The following INO80 variants were observed in gnomAD, a reference collection of about 807,000 sequenced individuals.
INO80 encodes INO80 complex ATPase subunit.
INO80 carries 20 observed loss-of-function variants against 203.4 expected under a neutral mutation model. The observed-to-expected ratio is 0.10, with a 90% CI of 0.07 to 0.14. INO80 has a LOEUF of 0.14. Ranked by LOEUF, INO80 falls within the 10% of genes least tolerant of loss-of-function variation. INO80 has a pLI of 1.00. For synonymous variants in INO80, 726 were observed against 685.2 expected (o/e 1.06, Z -0.93); for missense variants, 1,419 against 1,914.4 (o/e 0.74, Z 4.83).
intron 21 of INO80, 103 bp from the exon 22 acceptor site, chr15:41,048,379 C>T (rs1469621099): frequency 9.7e-6 from 8 of 826,064 alleles, no homozygotes; most frequent in Non-Finnish European, 1.6e-5. Flanking sequence ...AGTTTTGAAA[C>T]TGTTTCACTT....
chr15:41,066,833 AAAAAAAAAAAAGC>A (rs1343211515), intron 14 of INO80, among the ~76,000 whole-genome samples: 7 of 4,338 alleles, frequency 1.6e-3, no homozygotes, highest in Admixed American at 8.3e-3. Flanking sequence ...GTCTCTAAGA[AAAAAAAAAAAAGC>A]AAAAAAAAAA....
rs73399698 is a variant in INO80, at chr15:41,027,320, A to T, written c.3048+276T>A. ...TTGGGTGATATATATTCTACCTGAC[A>T]GATGGTTTATTCCCACTATAGTTTA... On this transcript the variant is annotated intron_variant, in intron 25 of 35. Transcript: ENST00000648947. Among the ~76,000 whole-genome samples the T allele has an allele frequency of 1.4e-3, 213 of 152,300 alleles. 1 individual carries two copies. The highest frequency in any genetic ancestry group is 4.9e-3 in the African/African-American group (205 of 41,574).
chr15:41,060,130 A>C (rs1298628669), intron 14 of INO80, among the ~76,000 whole-genome samples: 1 of 152,244 alleles, frequency 6.6e-6, no homozygotes, highest in African/African-American at 2.4e-5. Context: ...CTGAAGGCAT[A>C]AAACAGCTAC....
chr15:41,065,547 C>T (rs1193118248), intron 14 of INO80, among the ~76,000 whole-genome samples: 1 of 152,028 alleles, frequency 6.6e-6, no homozygotes, highest in East Asian at 1.9e-4. Context: ...GAAGTGAAAA[C>T]AGTAAAAGTG....
chr15:41,011,624 G>A (rs1486316262), intron 27 of INO80: 1 of 151,734 alleles, frequency 6.6e-6, no homozygotes, highest in Non-Finnish European at 1.5e-5. Context: ...TTGGAAGAAG[G>A]CCAAGAAGGC....
intron 25 of INO80, among the ~76,000 whole-genome samples, chr15:41,025,471 T>C (rs2044361483): frequency 6.6e-6 from 1 of 152,026 alleles, no homozygotes; most frequent in Admixed American, 6.6e-5. Context: ...TCCCAGCACT[T>C]TGGGAGGCTT....
intron 24 of INO80, among the ~76,000 whole-genome samples, chr15:41,033,940 T>TA (rs1412238257): frequency 6.6e-6 from 1 of 151,286 alleles, no homozygotes; most frequent in Non-Finnish European, 1.5e-5. Flanking sequence ...CAGGCGCCTG[T>TA]AGTCCCAGCT....
intron 25 of INO80, among the ~76,000 whole-genome samples, chr15:41,023,581 C>T (rs2044327813): frequency 1.3e-5 from 2 of 151,724 alleles, no homozygotes; most frequent in Non-Finnish European, 2.9e-5. Flanking sequence ...CTGGCCTGGC[C>T]AACATGGTGA....
chr15:40,987,699 T>A, intron 30 of INO80, 117 bp downstream of exon 30: 1 of 970,936 alleles, frequency 1.0e-6, no homozygotes, highest in Non-Finnish European at 1.5e-6. Context: ...GAAGAAATTG[T>A]AGTTTCGTCA....
Position 41,050,114 on chromosome 15 carries a change from T to G in INO80, c.2275-12A>C, listed in dbSNP as rs2044843063. ...ATTAGAATCTCAATCTAAAAATCAATAAGAACATTTATATTTGGAAAAGTA... is the reference window on the plus strand; with the variant it reads ...ATTAGAATCTCAATCTAAAAATCAAGAAGAACATTTATATTTGGAAAAGTA... On this transcript the variant is annotated splice_polypyrimidine_tract_variant and intron_variant, in intron 19 of 35. Transcript: ENST00000648947. 1 of 1,582,612 alleles carries G rather than the reference T, an allele frequency of 6.3e-7. No individual in the cohort carries two copies. The highest frequency in any genetic ancestry group is 1.8e-5 in the Admixed American group (1 of 57,020).
intron 27 of INO80, among the ~76,000 whole-genome samples, chr15:41,013,633 C>T (rs1212675141): frequency 6.6e-6 from 1 of 152,122 alleles, no homozygotes; most frequent in Non-Finnish European, 1.5e-5. Flanking sequence ...TCCTGGAATA[C>T]AGAATGTGGT....
rs574357557 is a variant in INO80, at chr15:41,008,395, G to A, written c.3403-2708C>T. Among the ~76,000 whole-genome samples, 16 of 152,264 alleles carry A rather than the reference G, an allele frequency of 1.1e-4. No homozygotes were observed. The South Asian group carries it at 2.7e-3, about 26-fold the overall frequency. On this transcript the variant is annotated intron_variant, in intron 27 of 35. Coordinates refer to ENST00000648947, the MANE Select transcript of INO80 (RefSeq NM_017553.3). ...GCTTAAAAAGTTAAAACTCATAAAA[G>A]TAGAGAGTAGAAGGGTGGTTGCCAG...
At chr15:41,058,490 G>C (rs962872663) in intron 16 of INO80, 149 bp downstream of exon 16, 1 of 748,760 alleles carries the variant, frequency 1.3e-6, no homozygotes, top group Non-Finnish European at 2.0e-6. Flanking sequence ...GCGAGACCTT[G>C]TCTCTATTAA....
Position 41,096,266 on chromosome 15 carries a change from C to T in INO80, c.45G>A (p.Glu15=). The change falls in exon 2 of 36, where the codon GAG becomes GAA. Residue 15 remains glutamate (E), a synonymous_variant. Coordinates refer to ENST00000648947, the MANE Select transcript of INO80 (RefSeq NM_017553.3). ...LGARDDGGCT[E]LAKPLYLQYL... ...ACTGAAGATAGAGGGGCTTTGCCAG[C>T]TCAGTGCAGCCTCCATCATCCCTGG... 1 of 1,611,414 alleles carries T rather than the reference C, an allele frequency of 6.2e-7. No homozygotes were observed. Among genetic ancestry groups the T allele is most frequent in the Non-Finnish European group, 8.5e-7 (1 of 1,179,390 alleles).
At chr15:41,108,736 T>A (rs1357451116) in intron 1 of INO80, 1 of 152,154 alleles carries the variant, frequency 6.6e-6, no homozygotes, top group Non-Finnish European at 1.5e-5. Context: ...ACATTATGTA[T>A]CAGGAATGGT....
chr15:41,047,412 C>T lies in INO80; in HGVS notation c.2731G>A (p.Ala911Thr). ...MANLMLQGLL[A>T]RWLALFLSLK... is the part of the protein sequence containing the mutation. ...AGCAATAAGCAAACCTCTCACCTGG[C>T]CAAAAGTCCCTGAAGCATAAGGTTT... Residue 911 changes from alanine (A) to threonine (T), a missense_variant, in exon 23 of 36, where the codon GCC becomes ACC. Around this residue, in one of 9 missense-constraint regions of INO80, gnomAD observed 302 missense variants for 345.4 expected, o/e 0.87. Transcript: ENST00000648947. 3 of 1,612,220 alleles carry T rather than the reference C, an allele frequency of 1.9e-6. No homozygotes were observed. Among genetic ancestry groups the T allele is most frequent in the Non-Finnish European group, 2.5e-6 (3 of 1,178,706 alleles).
intron 4 of INO80, among the ~76,000 whole-genome samples, chr15:41,092,750 G>C (rs1179006301): frequency 1.3e-5 from 2 of 152,176 alleles, no homozygotes; most frequent in South Asian, 4.1e-4. Flanking sequence ...CATTATGATA[G>C]GATTCAATTT....
chr15:41,049,918 C>G lies in INO80; in HGVS notation c.2442+17G>C, dbSNP rs1291155744. The G allele has an allele frequency of 6.3e-7, 1 of 1,589,210 alleles. No homozygotes were observed. The highest frequency in any genetic ancestry group is 8.6e-7 in the Non-Finnish European group (1 of 1,165,196). On this transcript the variant is annotated intron_variant, in intron 20 of 35. Transcript: ENST00000648947. ...AACAAAAAACAAAACTTCAAGGGAACTGACGTAAGCTCTTACCTTCCTAAA... is the reference window on the plus strand; with the variant it reads ...AACAAAAAACAAAACTTCAAGGGAAGTGACGTAAGCTCTTACCTTCCTAAA...
At chr15:41,046,920 G>C (rs918132491) in intron 23 of INO80, among the ~76,000 whole-genome samples, 1 of 151,188 alleles carries the variant, frequency 6.6e-6, no homozygotes, top group African/African-American at 2.4e-5. Flanking sequence ...GCCTGGGCCT[G>C]GTCAACAAAC....
Sources: gnomAD v4.1 joint callset for allele counts (sites outside exome capture counted in the v4.1 genomes callset) on GRCh38, gnomAD v4.1.1 for gene constraint, gnomAD v4.1.1 regional missense constraint, MANE v1.5 for transcripts, NCBI Gene and HGNC (gene_info 2026-07-23, HGNC 2026-07-21) for gene names.